Variants in R3HDM2 observed in about 807,000 individuals in gnomAD.
R3HDM2 encodes R3H domain-containing protein 2.
A neutral mutation model predicts 124.5 loss-of-function variants in R3HDM2; 38 were observed. The ratio of observed to expected loss-of-function variants is 0.31; its 90% CI spans 0.24 to 0.40. The LOEUF (loss-of-function observed/expected upper bound fraction) is 0.40. R3HDM2 is among the 10% of genes least tolerant of loss of function. The pLI, the probability that R3HDM2 is intolerant of heterozygous loss-of-function variation, is 1.00. For missense variants in R3HDM2, 869 were observed against 1,236.9 expected (o/e 0.70, Z 4.46); for synonymous variants, 391 against 448.0 (o/e 0.87, Z 1.61).
chr12:57,356,463 T>C (rs1229131264), intron 2 of R3HDM2, among the ~76,000 whole-genome samples: 1 of 152,216 alleles, frequency 6.6e-6, no homozygotes, highest in African/African-American at 2.4e-5. Flanking sequence ...TGTATTGTCC[T>C]TTTCACATAT....
intron 3 of R3HDM2, among the ~76,000 whole-genome samples, chr12:57,304,706 C>T (rs1388550260): frequency 6.6e-6 from 1 of 152,146 alleles, no homozygotes; most frequent in Non-Finnish European, 1.5e-5. Context: ...TACAACATGG[C>T]ACAAAGATTC....
At chr12:57,311,503 G>C (rs747139013) in intron 2 of R3HDM2, among the ~76,000 whole-genome samples, 2 of 152,040 alleles carry the variant, frequency 1.3e-5, no homozygotes, top group East Asian at 3.9e-4. Flanking sequence ...TGGGATTACA[G>C]TCGTGAGCCA....
At chr12:57,373,108 G>A (rs970321831) in intron 2 of R3HDM2, among the ~76,000 whole-genome samples, 5 of 152,210 alleles carry the variant, frequency 3.3e-5, no homozygotes, top group African/African-American at 1.2e-4. Context: ...AGGATGAGGT[G>A]AGAGAATCAC....
intron 2 of R3HDM2, among the ~76,000 whole-genome samples, chr12:57,375,001 A>AT (rs2063863608): frequency 6.6e-6 from 1 of 151,466 alleles, no homozygotes; most frequent in African/African-American, 2.4e-5. Flanking sequence ...ATCTCAAAAA[A>AT]AAAATAAATA....
At chr12:57,349,453 C>T (rs1209008672) in intron 2 of R3HDM2, among the ~76,000 whole-genome samples, 3 of 145,154 alleles carry the variant, frequency 2.1e-5, no homozygotes, top group Non-Finnish European at 4.5e-5. Context: ...CTGTTGGCAA[C>T]TAAATAGTGT....
chr12:57,400,620 A>G (rs1343336199), intron 1 of R3HDM2, among the ~76,000 whole-genome samples: 1 of 152,096 alleles, frequency 6.6e-6, no homozygotes, highest in Non-Finnish European at 1.5e-5. Flanking sequence ...AACACTGTCT[A>G]CTCAAGACAA....
intron 8 of R3HDM2, 157 bp downstream of exon 8, chr12:57,297,171 T>G (rs959142746): frequency 1.8e-6 from 1 of 540,604 alleles, no homozygotes; most frequent in East Asian, 3.2e-5. Context: ...TGAAAAGATA[T>G]AAATTATTTT....
At chr12:57,395,197 C>T (rs1309303253) in intron 2 of R3HDM2, among the ~76,000 whole-genome samples, 2 of 140,234 alleles carry the variant, frequency 1.4e-5, no homozygotes, top group African/African-American at 5.4e-5. Flanking sequence ...GGCAAGACTC[C>T]GTTTCAAAAA....
intron 14 of R3HDM2, among the ~76,000 whole-genome samples, chr12:57,277,099 CAAAA>C (rs11321648): frequency 9.4e-6 from 1 of 106,430 alleles, no homozygotes; most frequent in African/African-American, 3.8e-5. Context: ...AAATAATGAA[CAAAA>C]AAAAAAAAAA....
At chr12:57,351,193 A>G (rs942750192) in intron 2 of R3HDM2, among the ~76,000 whole-genome samples, 1 of 152,104 alleles carries the variant, frequency 6.6e-6, no homozygotes, top group African/African-American at 2.4e-5. Context: ...CTTGAGCCCA[A>G]GAGGTTGAGG....
At chr12:57,407,858 G>A (rs918483812) in intron 1 of R3HDM2, among the ~76,000 whole-genome samples, 7 of 152,080 alleles carry the variant, frequency 4.6e-5, no homozygotes, top group African/African-American at 1.7e-4. Context: ...TGAAACTCCT[G>A]GGCTCAAACA....
At chr12:57,410,728 C>G (rs930876038) in intron 1 of R3HDM2, among the ~76,000 whole-genome samples, 1 of 152,142 alleles carries the variant, frequency 6.6e-6, no homozygotes, top group African/African-American at 2.4e-5. Flanking sequence ...GTGTGTGTGC[C>G]TGTAGTCTCA....
At chr12:57,408,443 A>C (rs2068720991) in intron 1 of R3HDM2, among the ~76,000 whole-genome samples, 1 of 152,150 alleles carries the variant, frequency 6.6e-6, no homozygotes, top group Non-Finnish European at 1.5e-5. Flanking sequence ...AAAATAATCA[A>C]TAAGGGGCCG....
At chr12:57,256,579 A>G in intron 21 of R3HDM2, 68 bp from the exon 22 acceptor site, 3 of 1,239,552 alleles carry the variant, frequency 2.4e-6, no homozygotes, top group South Asian at 1.5e-5. Flanking sequence ...TAAGACTTCA[A>G]GGGGCTTTGG....
intron 1 of R3HDM2, among the ~76,000 whole-genome samples, chr12:57,403,773 G>A (rs1355250509): frequency 6.7e-6 from 1 of 149,886 alleles, no homozygotes; most frequent in Non-Finnish European, 1.5e-5. Context: ...GAGCCAAGAT[G>A]ATGCCACTAC....
chr12:57,254,903 G>A lies in R3HDM2; in HGVS notation c.2843C>T (p.Ala948Val), dbSNP rs2038440070. Residue 948 changes from alanine to valine, a missense_variant, in exon 24 of 24, where the codon GCT becomes GTT. Physicochemically the swap from Ala to Val is moderately conservative, Grantham distance 64 (BLOSUM62 0). This residue lies in a region of R3HDM2 where 602 missense variants were observed against 789.2 expected (regional missense o/e 0.76). Transcript: ENST00000402412. ...SDLAALYTIVAVFPSPLAAQN... is the reference protein window; with the variant it reads ...SDLAALYTIVVVFPSPLAAQN... ...GGCAGCCAGGGGGCTGGGGAACACA[G>A]CCACAATGGTGTACAAGGCAGCGAG... 1 of 1,614,054 alleles carries A rather than the reference G, an allele frequency of 6.2e-7. No individual in the cohort carries two copies. The highest frequency in any genetic ancestry group is 8.5e-7 in the Non-Finnish European group (1 of 1,180,026).
At position 57,296,211 on chromosome 12, in the gene R3HDM2, T is replaced by G. The variant is rs1423876268; in HGVS notation, c.701+200A>C. 6.6e-6 allele frequency among the ~76,000 whole-genome samples: 1 copy of G among 151,332 alleles called. No individual in the cohort carries two copies. The highest frequency in any genetic ancestry group is 2.4e-5 in the African/African-American group (1 of 41,148). ...TTTTTTTAAAGTAATAGAGATGGGA[T>G]CTTGCTGTGTTGACCAGGCTGGTCT... On this transcript the variant is annotated intron_variant, in intron 9 of 23. Transcript: ENST00000402412. This position sits in a 1 kb window ranked among gnomAD's most constrained non-coding sequence, Gnocchi z 4.5.
chr12:57,311,617 C>T (rs1480407128), intron 2 of R3HDM2, among the ~76,000 whole-genome samples: 1 of 152,104 alleles, frequency 6.6e-6, no homozygotes, highest in East Asian at 1.9e-4. Context: ...AAGTGATCCT[C>T]CCACCTCAGC....
intron 11 of R3HDM2, 50 bp downstream of exon 11, chr12:57,292,522 G>C (rs1462498677): frequency 1.6e-6 from 2 of 1,280,554 alleles, no homozygotes; most frequent in Non-Finnish European, 2.2e-6. Flanking sequence ...CAGTTCCAAT[G>C]ATTAAGAGCT....
Sources: gnomAD v4.1 joint callset for allele counts (sites outside exome capture counted in the v4.1 genomes callset) on GRCh38, gnomAD v4.1.1 for gene constraint, gnomAD v4.1.1 regional missense constraint, Gnocchi (gnomAD v3.1) non-coding constraint, MANE v1.5 for transcripts, NCBI Gene and HGNC (gene_info 2026-07-23, HGNC 2026-07-21) for gene names.